KCNIP3: variants seen among roughly 807,000 people sequenced by gnomAD.
KCNIP3 encodes the protein potassium voltage-gated channel interacting protein 3, also known as calsenilin.
Under a neutral mutation model 35.0 loss-of-function variants are expected in KCNIP3, and 28 were observed. The ratio of observed to expected loss-of-function variants is 0.80; its 90% CI spans 0.59 to 1.10. The LOEUF (loss-of-function observed/expected upper bound fraction) is 1.10, where lower values mean the gene tolerates loss of function less well. Ranked by LOEUF, KCNIP3 falls within the 50% of genes least tolerant of loss-of-function variation. KCNIP3 has a pLI of 0.00. For synonymous variants in KCNIP3, 134 were observed against 133.8 expected (o/e 1.00, Z -0.01); for missense variants, 295 against 338.4 (o/e 0.87, Z 1.01).
chr2:95,384,408 G>C lies in KCNIP3; in HGVS notation c.*359G>C, dbSNP rs1409249698. 9 of 320,406 alleles carry C rather than the reference G, an allele frequency of 2.8e-5. No homozygotes were observed. The highest frequency in any genetic ancestry group is 2.9e-5 in the Non-Finnish European group (5 of 171,080). 19.8% of individuals were successfully genotyped at this position (320,406 alleles called of 1,614,324 possible). ...GGGCTCGAGTGCCCCTGCAGGGGAGGGTCCAATCTCCGGTGTGAGCCCACC... is the reference window on the plus strand; with the variant it reads ...GGGCTCGAGTGCCCCTGCAGGGGAGCGTCCAATCTCCGGTGTGAGCCCACC... On this transcript the variant is annotated 3_prime_UTR_variant, in exon 9 of 9. Coordinates refer to ENST00000295225, the MANE Select transcript of KCNIP3 (RefSeq NM_013434.5).
intron 2 of KCNIP3, among the ~76,000 whole-genome samples, chr2:95,362,193 G>A (rs1184062514): frequency 6.6e-6 from 1 of 151,222 alleles, no homozygotes; most frequent in African/African-American, 2.4e-5. Flanking sequence ...TGCAAGCTCC[G>A]CCTCCTGGGT....
intron 4 of KCNIP3, 38 bp from the exon 5 acceptor site, chr2:95,375,100 G>C: frequency 6.2e-7 from 1 of 1,602,190 alleles, no homozygotes. Context: ...CCGCCAGGCA[G>C]CCCCGACACA....
At chr2:95,307,198 C>G (rs924906080) in intron 1 of KCNIP3, among the ~76,000 whole-genome samples, 6 of 152,234 alleles carry the variant, frequency 3.9e-5, no homozygotes, top group African/African-American at 1.4e-4. Flanking sequence ...CACCACCACT[C>G]CACCCAGACT....
intron 5 of KCNIP3, among the ~76,000 whole-genome samples, chr2:95,375,688 G>A (rs1303464152): frequency 6.6e-6 from 1 of 152,178 alleles, no homozygotes; most frequent in African/African-American, 2.4e-5. Context: ...TGAGAGCAAA[G>A]CCTGGTGTTA....
chr2:95,356,614 C>T (rs1679661448), intron 2 of KCNIP3, among the ~76,000 whole-genome samples: 1 of 152,062 alleles, frequency 6.6e-6, no homozygotes, highest in Non-Finnish European at 1.5e-5. Flanking sequence ...GAATCGTTTC[C>T]CCATTTCTTG....
chr2:95,297,474 G>A (rs1360434328), intron 1 of KCNIP3, 21 bp downstream of exon 1: 5 of 1,142,700 alleles, frequency 4.4e-6, no homozygotes, highest in Non-Finnish European at 6.2e-6. Context: ...GGGGAATGGG[G>A]TCTTGCTCTG....
chr2:95,313,955 AC>A (rs1361148494), intron 2 of KCNIP3: 1 of 151,918 alleles, frequency 6.6e-6, no homozygotes, highest in Non-Finnish European at 1.5e-5. Flanking sequence ...ACACATACAC[AC>A]ACAAGCACAC....
At chr2:95,304,382 C>G (rs1433352210) in intron 1 of KCNIP3, among the ~76,000 whole-genome samples, 1 of 152,220 alleles carries the variant, frequency 6.6e-6, no homozygotes, top group East Asian at 1.9e-4. Context: ...CACCCATGGT[C>G]TGTGGCCTGT....
Position 95,378,956 on chromosome 2 carries a change from C to T in KCNIP3, c.448-2640C>T, listed in dbSNP as rs1442551118. On this transcript the variant is annotated intron_variant, in intron 5 of 8. Transcript: ENST00000295225. The surrounding 1 kb of genome is among the most constrained non-coding windows in gnomAD (Gnocchi z 4.0). ...ACACACACATGACTGGAGTCCAACA[C>T]ATTCGCAGGGTGCACGTTGGAAAAC... Among the ~76,000 whole-genome samples, 1 of 152,026 alleles carries T rather than the reference C, an allele frequency of 6.6e-6. No individual in the cohort carries two copies. Among genetic ancestry groups the T allele is most frequent in the Admixed American group, 6.5e-5 (1 of 15,278 alleles).
chr2:95,347,067 G>C, intron 2 of KCNIP3: 1 of 1,612,108 alleles, frequency 6.2e-7, no homozygotes, highest in Non-Finnish European at 8.5e-7. Context: ...TGGTGGTGCT[G>C]CTGTTCATCG....
intron 2 of KCNIP3, among the ~76,000 whole-genome samples, chr2:95,317,814 C>T (rs1451987841): frequency 6.6e-6 from 1 of 152,132 alleles, no homozygotes; most frequent in Non-Finnish European, 1.5e-5. Flanking sequence ...GAGCTGAGGG[C>T]AGGAGTCGGG....
intron 2 of KCNIP3, among the ~76,000 whole-genome samples, chr2:95,364,360 C>T (rs1374533035): frequency 6.6e-6 from 1 of 152,100 alleles, no homozygotes; most frequent in Non-Finnish European, 1.5e-5. Flanking sequence ...TAAAAAAATG[C>T]CATTGGCTTC....
intron 2 of KCNIP3, among the ~76,000 whole-genome samples, chr2:95,360,775 G>C (rs1402662428): frequency 6.6e-6 from 1 of 152,208 alleles, no homozygotes; most frequent in African/African-American, 2.4e-5. Context: ...CAGAGAGAGA[G>C]AGAGAGAAAG....
At chr2:95,344,227 C>T (rs1452064967) in intron 2 of KCNIP3, among the ~76,000 whole-genome samples, 14 of 151,036 alleles carry the variant, frequency 9.3e-5, no homozygotes, top group Admixed American at 7.2e-4. Flanking sequence ...AGGAAATGCA[C>T]GCCAGGGCAG....
intron 2 of KCNIP3, among the ~76,000 whole-genome samples, chr2:95,331,397 T>A: frequency 6.6e-6 from 1 of 152,016 alleles, no homozygotes; most frequent in African/African-American, 2.4e-5. Context: ...GGTGGTAGCA[T>A]TTCAAGTCTG....
At position 95,297,377 on chromosome 2, in the gene KCNIP3, C is replaced by G; in HGVS notation, c.-62C>G. The stretch of plus-strand genomic sequence containing the variant: ...TGAGGCAGCTGCCAGCCGGCCTGGG[C>G]AGTCTTGTCTGCCTCGGCTGTGAAG... On this transcript the variant is annotated 5_prime_UTR_variant, in exon 1 of 9. Coordinates refer to ENST00000295225, the MANE Select transcript of KCNIP3 (RefSeq NM_013434.5). 1 of 1,531,880 alleles carries G rather than the reference C, an allele frequency of 6.5e-7. No homozygotes were observed. The highest frequency in any genetic ancestry group is 1.9e-5 in the Admixed American group (1 of 51,400). 94.9% of individuals were successfully genotyped at this position (1,531,880 alleles called of 1,614,324 possible). A position where few individuals can be genotyped will look rare whatever the true frequency, so the allele number is the denominator to read the frequency against.
At position 95,330,666 on chromosome 2, in the gene KCNIP3, G is replaced by T. The variant is rs1374520372; in HGVS notation, c.181+20146G>T. 3.9e-5 allele frequency among the ~76,000 whole-genome samples: 6 copies of T among 152,210 alleles called. No individual in the cohort carries two copies. In the East Asian group the frequency reaches 1.2e-3, roughly 29 times the overall value. ...AGCTGGCCTGGAGCCAGTGGCCACC[G>T]ATGCAGAGGGCCCTTTCAGCCAGGG... is the stretch of plus-strand genomic sequence containing the variant. On this transcript the variant is annotated intron_variant, in intron 2 of 8. Coordinates refer to ENST00000295225, the MANE Select transcript of KCNIP3 (RefSeq NM_013434.5).
intron 2 of KCNIP3, among the ~76,000 whole-genome samples, chr2:95,340,120 C>T (rs554985810): frequency 1.3e-5 from 2 of 152,294 alleles, no homozygotes; most frequent in South Asian, 4.1e-4. Flanking sequence ...GGTGGATCAC[C>T]TGAGGTCAGG....
chr2:95,310,204 G>A (rs770038049), intron 1 of KCNIP3, 151 bp from the exon 2 acceptor site: 1 of 889,178 alleles, frequency 1.1e-6, no homozygotes, highest in South Asian at 1.4e-5. Context: ...GGAATGGCCA[G>A]GACAAGGGGC....
Sources: allele counts gnomAD v4.1 joint callset (sites outside exome capture counted in the v4.1 genomes callset), GRCh38; gene constraint gnomAD v4.1.1; non-coding constraint Gnocchi (gnomAD v3.1); transcripts MANE v1.5; gene names NCBI Gene and HGNC (gene_info 2026-07-23, HGNC 2026-07-21).